SRFBP1: variants seen among roughly 807,000 people sequenced by gnomAD.
SRFBP1 encodes the protein serum response factor binding protein 1.
A neutral mutation model predicts 45.5 loss-of-function variants in SRFBP1; 47 were observed. That is an observed-to-expected ratio of 1.03 (90% CI 0.82 to 1.32). SRFBP1 has a LOEUF of 1.32. SRFBP1 is among the 40% of genes most tolerant of loss of function. SRFBP1 has a pLI of 0.00. For missense variants in SRFBP1, 621 were observed against 484.6 expected (o/e 1.28, Z -2.64); for synonymous variants, 203 against 166.3 (o/e 1.22, Z -1.70).
Position 122,001,546 on chromosome 5 carries a change from CTTTTTTTTTTTTTT to C in SRFBP1, c.270+6889_270+6902del, listed in dbSNP as rs1166482651. ...AAGAAGCCAAGTCATCCTTTGGTAT[CTTTTTTTTTTTTTT>C]TTTTTTTTTTTTGAGACGGAGTCTC... On this transcript the variant is annotated intron_variant, in intron 4 of 7. Transcript: ENST00000339397. Among the ~76,000 whole-genome samples, 415 of 104,908 alleles carry C rather than the reference CTTTTTTTTTTTTTT, an allele frequency of 4.0e-3. 1 individual carries two copies. Among genetic ancestry groups the C allele is most frequent in the Admixed American group, 5.2e-3 (54 of 10,350 alleles). The allele number at this position is 104,908 out of a possible 152,430, so 68.8% of individuals were successfully genotyped here. A position where few individuals can be genotyped will look rare whatever the true frequency, so the allele number is the denominator to read the frequency against.
intron 7 of SRFBP1, among the ~76,000 whole-genome samples, chr5:122,025,103 C>T (rs1373874915): frequency 6.6e-6 from 1 of 151,934 alleles, no homozygotes; most frequent in Non-Finnish European, 1.5e-5. Context: ...TAATGCTATC[C>T]CTCCCCACTC....
intron 2 of SRFBP1, among the ~76,000 whole-genome samples, chr5:122,049,545 CT>C (rs201943756): frequency 0.041 from 6,290 of 152,252 alleles, 150 homozygotes; most frequent in African/African-American, 0.05. Context: ...ATCTACAGAA[CT>C]CTCCACCCGA....
intron 1 of SRFBP1, among the ~76,000 whole-genome samples, chr5:121,962,303 G>A (rs1751965006): frequency 6.6e-6 from 1 of 152,188 alleles, no homozygotes; most frequent in Non-Finnish European, 1.5e-5. Context: ...TGGGACTTTG[G>A]GAAGAACCTT....
rs1476018560 is a variant in SRFBP1, at chr5:121,997,777, G to T, written c.270+3107G>T. 3.3e-5 allele frequency among the ~76,000 whole-genome samples: 5 copies of T among 151,778 alleles called. No homozygotes were observed. In the East Asian group the frequency reaches 9.7e-4, roughly 29 times the overall value. On this transcript the variant is annotated intron_variant, in intron 4 of 7. Coordinates refer to ENST00000339397, the MANE Select transcript of SRFBP1 (RefSeq NM_152546.3). ...TCGCAACCTACTCATCTGACAAAGGGCTAATATCCAGAATCTACAATGAAC... is the reference window on the plus strand; with the variant it reads ...TCGCAACCTACTCATCTGACAAAGGTCTAATATCCAGAATCTACAATGAAC...
downstream of SRFBP1, among the ~76,000 whole-genome samples, chr5:122,032,547 T>C (rs532650357): frequency 6.6e-6 from 1 of 152,354 alleles, no homozygotes; most frequent in South Asian, 2.1e-4. Context: ...ACGTGAACTT[T>C]GCCTTTTTCA....
chr5:122,003,346 GA>G (rs11300712), intron 4 of SRFBP1, among the ~76,000 whole-genome samples: 13,118 of 105,974 alleles, frequency 0.12, 983 homozygotes, highest in African/African-American at 0.25. Context: ...CTGTCTCAGA[GA>G]AAAAAAAAAA....
intron 3 of SRFBP1, among the ~76,000 whole-genome samples, chr5:121,986,917 C>A (rs987818375): frequency 1.1e-4 from 16 of 152,004 alleles, no homozygotes; most frequent in Non-Finnish European, 2.2e-4. Flanking sequence ...TCAGGTGATT[C>A]TATGTAGAAC....
Position 122,001,945 on chromosome 5 carries a change from G to A in SRFBP1, c.270+7275G>A, listed in dbSNP as rs528454883. Among the ~76,000 whole-genome samples the A allele has an allele frequency of 9.7e-4, 148 of 152,244 alleles. 1 individual carries two copies. Among genetic ancestry groups the A allele is most frequent in the African/African-American group, 3.4e-3 (143 of 41,538 alleles). ...TTAACCACAGAGTTTATTTCTAAAA[G>A]AGAATTTATACTTGTAACTAACTAT... On this transcript the variant is annotated intron_variant, in intron 4 of 7. Transcript: ENST00000339397.
chr5:122,052,464 T>C (rs1364582618), intron 2 of SRFBP1, among the ~76,000 whole-genome samples: 1 of 152,216 alleles, frequency 6.6e-6, no homozygotes, highest in African/African-American at 2.4e-5. Flanking sequence ...CTTTTTTCTT[T>C]ATTTTTGTCT....
At chr5:122,015,221 G>A (rs1013944936) in intron 4 of SRFBP1, among the ~76,000 whole-genome samples, 1 of 152,094 alleles carries the variant, frequency 6.6e-6, no homozygotes, top group African/African-American at 2.4e-5. Flanking sequence ...TAATCCTGAG[G>A]ATTAAAATAT....
chr5:121,967,154 G>T (rs2112811275), intron 1 of SRFBP1, among the ~76,000 whole-genome samples: 1 of 152,176 alleles, frequency 6.6e-6, no homozygotes, highest in South Asian at 2.1e-4. Context: ...TTCATTTCAT[G>T]TAAGACAGTA....
intron 7 of SRFBP1, among the ~76,000 whole-genome samples, chr5:122,024,932 G>T (rs1259476042): frequency 6.6e-6 from 1 of 151,824 alleles, no homozygotes; most frequent in Non-Finnish European, 1.5e-5. Context: ...TATGAAACAG[G>T]TTTTTGTTTT....
chr5:122,050,744 A>T (rs899887794), intron 2 of SRFBP1, among the ~76,000 whole-genome samples: 8 of 151,876 alleles, frequency 5.3e-5, no homozygotes, highest in Non-Finnish European at 1.2e-4. Flanking sequence ...TAATGTCTCA[A>T]TTTCCTTCAG....
At chr5:121,991,827 T>C (rs1752627187) in intron 3 of SRFBP1, among the ~76,000 whole-genome samples, 2 of 152,132 alleles carry the variant, frequency 1.3e-5, no homozygotes, top group Non-Finnish European at 2.9e-5. Flanking sequence ...TCCCTTTTAA[T>C]GACACATATA....
intron 3 of SRFBP1, among the ~76,000 whole-genome samples, chr5:121,978,808 T>A (rs1752354543): frequency 6.6e-6 from 1 of 152,200 alleles, no homozygotes; most frequent in South Asian, 2.1e-4. Context: ...TATTCTTTTT[T>A]AACCTCTTCC....
intron 3 of SRFBP1, among the ~76,000 whole-genome samples, chr5:121,976,763 T>C (rs146907405): frequency 1.1e-3 from 167 of 150,702 alleles, no homozygotes; most frequent in Non-Finnish European, 1.8e-3. Context: ...AATATATATA[T>C]GTGCATACAC....
At chr5:122,020,931 C>T (rs1580530921) in intron 6 of SRFBP1, 129 bp downstream of exon 6, 1 of 819,660 alleles carries the variant, frequency 1.2e-6, no homozygotes, top group Admixed American at 3.6e-5. Context: ...AGACATGGCC[C>T]TCTCCAAGGT....
intron 2 of SRFBP1, among the ~76,000 whole-genome samples, chr5:122,053,633 C>T (rs933299011): frequency 6.6e-6 from 1 of 152,020 alleles, no homozygotes; most frequent in Non-Finnish European, 1.5e-5. Flanking sequence ...GAAGTGGGGC[C>T]GCTGGGCTGG....
chr5:121,965,636 T>C (rs1286441037), intron 1 of SRFBP1, among the ~76,000 whole-genome samples: 1 of 152,204 alleles, frequency 6.6e-6, no homozygotes, highest in East Asian at 1.9e-4. Flanking sequence ...TGCCTCCAGC[T>C]TTGTCCCTTT....
Sources: allele counts gnomAD v4.1 joint callset (sites outside exome capture counted in the v4.1 genomes callset), GRCh38; gene constraint gnomAD v4.1.1; transcripts MANE v1.5; gene names NCBI Gene and HGNC (gene_info 2026-07-23, HGNC 2026-07-21).